NKIRAS1: variants seen among roughly 807,000 people sequenced by gnomAD.
The protein encoded by NKIRAS1 is NF-kappa-B inhibitor-interacting Ras-like protein 1.
NKIRAS1 carries 16 observed loss-of-function variants against 19.8 expected under a neutral mutation model. The observed-to-expected ratio is 0.81, with a 90% CI of 0.55 to 1.23. The LOEUF is 1.23. NKIRAS1 is among the 50% of genes most tolerant of loss of function. NKIRAS1 has a pLI of 0.00. For synonymous variants in NKIRAS1, 88 were observed against 79.0 expected (o/e 1.11, Z -0.61); for missense variants, 184 against 220.0 (o/e 0.84, Z 1.04).
chr3:23,932,615 G>C (rs978930151), intron 1 of NKIRAS1, among the ~76,000 whole-genome samples: 2 of 151,354 alleles, frequency 1.3e-5, no homozygotes, highest in Non-Finnish European at 2.9e-5. Flanking sequence ...TTGAACCCAG[G>C]AGGTGGAGGT....
chr3:23,941,413 G>T (rs1412039162), intron 1 of NKIRAS1, among the ~76,000 whole-genome samples: 1 of 152,144 alleles, frequency 6.6e-6, no homozygotes, highest in Non-Finnish European at 1.5e-5. Flanking sequence ...GGCTAATGAG[G>T]TAGCTTTCCT....
At chr3:23,918,041 C>G (rs746395128), upstream of NKIRAS1, 6 of 1,603,350 alleles carry the variant, frequency 3.7e-6, no homozygotes, top group South Asian at 5.6e-5. Flanking sequence ...GGTACGTGAT[C>G]GACTGCGTGG....
chr3:23,920,236 T>TTA (rs1704998829), upstream of NKIRAS1: 1 of 985,846 alleles, frequency 1.0e-6, no homozygotes, highest in Non-Finnish European at 1.2e-6. Flanking sequence ...ATGCTAATTG[T>TTA]GATCATTATG....
Position 23,890,754 on chromosome 3 carries a change from G to GTAAC in NKIRAS1, c.*2337_*2340dup. ...CAGTCTTATTTCCTAAGATTTTGTT[G>GTAAC]TAACTTAAGGTATCTTGCTACAGTA... is the stretch of plus-strand genomic sequence containing the variant. On this transcript the variant is annotated 3_prime_UTR_variant, in exon 5 of 5. Transcript: ENST00000425478. 1.5e-6 allele frequency: 1 copy of GTAAC among 647,264 alleles called. No individual in the cohort carries two copies. The highest frequency in any genetic ancestry group is 3.3e-5 in the East Asian group (1 of 30,610). The allele number at this position is 647,264 out of a possible 1,614,324, so 40.1% of individuals were successfully genotyped here.
At chr3:23,913,595 A>G (rs1481095463) in intron 1 of NKIRAS1, among the ~76,000 whole-genome samples, 1 of 152,240 alleles carries the variant, frequency 6.6e-6, no homozygotes, top group Non-Finnish European at 1.5e-5. Flanking sequence ...TCGCTATGGC[A>G]GGAACTCACA....
chr3:23,936,658 T>G (rs6550813), intron 1 of NKIRAS1, among the ~76,000 whole-genome samples: 1 of 151,274 alleles, frequency 6.6e-6, no homozygotes, highest in East Asian at 1.9e-4. Context: ...GCGATTCTCC[T>G]GCCTCAGCCT....
At chr3:23,914,397 T>C (rs1704086651) in intron 1 of NKIRAS1, among the ~76,000 whole-genome samples, 1 of 152,218 alleles carries the variant, frequency 6.6e-6, no homozygotes, top group African/African-American at 2.4e-5. Context: ...AGAGATGTTA[T>C]AAATCTCTAA....
chr3:23,929,868 T>C (rs1199455334), intron 1 of NKIRAS1, among the ~76,000 whole-genome samples: 1 of 152,220 alleles, frequency 6.6e-6, no homozygotes, highest in Non-Finnish European at 1.5e-5. Flanking sequence ...AAAAATTACC[T>C]GAATCCCATT....
intron 1 of NKIRAS1, among the ~76,000 whole-genome samples, chr3:23,940,105 A>C (rs1705464922): frequency 7.1e-6 from 1 of 140,630 alleles, no homozygotes; most frequent in African/African-American, 2.6e-5. Context: ...CTGAGGTGGG[A>C]GGACTGCTTG....
intron 1 of NKIRAS1, among the ~76,000 whole-genome samples, chr3:23,936,074 C>A (rs565788516): frequency 7.3e-5 from 7 of 95,828 alleles, no homozygotes; most frequent in Admixed American, 6.1e-4. Flanking sequence ...CAGAAAGGGA[C>A]CCTGTCTCAA....
intron 1 of NKIRAS1, among the ~76,000 whole-genome samples, chr3:23,925,099 G>A (rs984451808): frequency 6.6e-6 from 1 of 152,180 alleles, no homozygotes; most frequent in Admixed American, 6.5e-5. Flanking sequence ...AAAGGGTGGG[G>A]AAGTGATATC....
At position 23,891,679 on chromosome 3, in the gene NKIRAS1, T is replaced by C. The variant is rs1026771899; in HGVS notation, c.*1416A>G. ...TGTCCTGACCCAGCAGTTCTGTTTCTGTATGTCTCTTTCAGAGAAACTTAT... is the reference window on the plus strand; with the variant it reads ...TGTCCTGACCCAGCAGTTCTGTTTCCGTATGTCTCTTTCAGAGAAACTTAT... On this transcript the variant is annotated 3_prime_UTR_variant, in exon 5 of 5. Transcript: ENST00000425478. The C allele has an allele frequency of 6.9e-6, 1 of 145,190 alleles. No homozygotes were observed. The highest frequency in any genetic ancestry group is 2.7e-5 in the African/African-American group (1 of 36,490). 9.0% of individuals were successfully genotyped at this position (145,190 alleles called of 1,614,324 possible). A position where few individuals can be genotyped will look rare whatever the true frequency, so the allele number is the denominator to read the frequency against.
At chr3:23,919,339 C>G (rs1442913572), upstream of NKIRAS1, 8 of 1,602,578 alleles carry the variant, frequency 5.0e-6, no homozygotes, top group Non-Finnish European at 5.1e-6. Flanking sequence ...CCCAGTGGAT[C>G]ACCAAACCAG....
At chr3:23,943,853 C>G (rs953604249) in intron 1 of NKIRAS1, among the ~76,000 whole-genome samples, 1 of 152,246 alleles carries the variant, frequency 6.6e-6, no homozygotes, top group Non-Finnish European at 1.5e-5. Flanking sequence ...GCAGGACCCA[C>G]ATCTGTGCAG....
At chr3:23,942,446 T>A (rs1196351245) in intron 1 of NKIRAS1, among the ~76,000 whole-genome samples, 1 of 152,188 alleles carries the variant, frequency 6.6e-6, no homozygotes, top group Non-Finnish European at 1.5e-5. Flanking sequence ...ATTTTATTTT[T>A]TTGAGACAGA....
upstream of NKIRAS1, chr3:23,918,157 G>C (rs1575119090): frequency 2.5e-6 from 3 of 1,217,240 alleles, no homozygotes; most frequent in East Asian, 7.5e-5. Context: ...AAAAAAGCTA[G>C]CAACACTGGT....
At chr3:23,899,542 G>A (rs955262868) in intron 4 of NKIRAS1, among the ~76,000 whole-genome samples, 2 of 152,090 alleles carry the variant, frequency 1.3e-5, no homozygotes, top group African/African-American at 4.8e-5. Flanking sequence ...TGAAGAGTCC[G>A]CCACGTGAAG....
In NKIRAS1 at chr3:23,890,473, C is replaced by A; in HGVS notation, c.*2622G>T. On this transcript the variant is annotated 3_prime_UTR_variant, in exon 5 of 5. Transcript: ENST00000425478. ...TCGCTAAAGTTTAAAATGTTCTTTTCCTTTCTCCAAAGTAATCTACATTCT... is the reference window on the plus strand; with the variant it reads ...TCGCTAAAGTTTAAAATGTTCTTTTACTTTCTCCAAAGTAATCTACATTCT... 6.3e-7 allele frequency: 1 copy of A among 1,593,178 alleles called. No homozygotes were observed. The highest frequency in any genetic ancestry group is 1.1e-5 in the South Asian group (1 of 88,126).
chr3:23,941,786 T>C (rs1389183581), intron 1 of NKIRAS1, among the ~76,000 whole-genome samples: 8 of 152,154 alleles, frequency 5.3e-5, no homozygotes, highest in Non-Finnish European at 8.8e-5. Flanking sequence ...CAAAGTCTCA[T>C]AGGAAGAAGG....
Sources: gnomAD v4.1 joint callset for allele counts (sites outside exome capture counted in the v4.1 genomes callset) on GRCh38, gnomAD v4.1.1 for gene constraint, MANE v1.5 for transcripts, NCBI Gene and HGNC (gene_info 2026-07-23, HGNC 2026-07-21) for gene names.